The following PTPRR variants were observed in gnomAD, a reference collection of about 807,000 sequenced individuals.
The protein encoded by PTPRR is protein tyrosine phosphatase receptor type R.
In PTPRR, 38 loss-of-function variants were observed where a neutral mutation model predicts 77.2. The ratio of observed to expected loss-of-function variants is 0.49; its 90% CI spans 0.38 to 0.65. The LOEUF is 0.65. PTPRR is among the 30% of genes least tolerant of loss of function. The probability of loss-of-function intolerance (pLI) is 0.00; values close to 1 mark genes in which losing one functional copy is unlikely to be tolerated. For missense variants in PTPRR, 744 were observed against 799.2 expected (o/e 0.93, Z 0.83); for synonymous variants, 299 against 283.1 (o/e 1.06, Z -0.57).
chr12:70,700,280 G>T (rs1592684821), intron 7 of PTPRR, among the ~76,000 whole-genome samples: 3 of 152,138 alleles, frequency 2.0e-5, no homozygotes, highest in Admixed American at 2.0e-4. Flanking sequence ...TGCAAGAGGT[G>T]ATCAACAAAG....
At chr12:70,681,037 G>C (rs572440014) in intron 10 of PTPRR, among the ~76,000 whole-genome samples, 36 of 152,264 alleles carry the variant, frequency 2.4e-4, no homozygotes, top group Middle Eastern at 3.4e-3. Flanking sequence ...TTCATGGATG[G>C]GGCACTGGAT....
At chr12:70,664,732 A>C (rs1057506633) in intron 10 of PTPRR, 13 of 152,336 alleles carry the variant, frequency 8.5e-5, no homozygotes, top group African/African-American at 2.6e-4. Flanking sequence ...GTTACCAAAA[A>C]AGCAATTGGC....
chr12:70,895,643 C>G (rs1893415691), intron 1 of PTPRR, among the ~76,000 whole-genome samples: 1 of 151,540 alleles, frequency 6.6e-6, no homozygotes. Context: ...CATGATGATA[C>G]AGTTTCTTAG....
chr12:70,863,735 G>T (rs2137081649), intron 2 of PTPRR, among the ~76,000 whole-genome samples: 1 of 151,060 alleles, frequency 6.6e-6, no homozygotes, highest in Non-Finnish European at 1.5e-5. Context: ...TTTCATCACT[G>T]TTTTTGTGTT....
At chr12:70,851,822 C>T (rs557650476) in intron 2 of PTPRR, among the ~76,000 whole-genome samples, 4 of 152,030 alleles carry the variant, frequency 2.6e-5, no homozygotes, top group East Asian at 1.9e-4. Flanking sequence ...AAGAAGTACA[C>T]GCTGGAATTA....
At chr12:70,862,751 TAA>T (rs11306466) in intron 2 of PTPRR, among the ~76,000 whole-genome samples, 3 of 150,062 alleles carry the variant, frequency 2.0e-5, no homozygotes, top group East Asian at 3.9e-4. Flanking sequence ...AATAATAAAA[TAA>T]AAAAAAGGGA....
chr12:70,867,177 A>G lies in PTPRR; in HGVS notation c.357+25502T>C, dbSNP rs796611490. Among the ~76,000 whole-genome samples, 9 of 151,590 alleles carry G rather than the reference A, an allele frequency of 5.9e-5. No homozygotes were observed. In the South Asian group the frequency reaches 1.0e-3, roughly 18 times the overall value. ...CCACTCCTATTCAACATAGTGTTGGAAGTTCTGGCCAGGGCAATTAGGCAG... is the reference window on the plus strand; with the variant it reads ...CCACTCCTATTCAACATAGTGTTGGGAGTTCTGGCCAGGGCAATTAGGCAG... On this transcript the variant is annotated intron_variant, in intron 2 of 13. Coordinates refer to ENST00000283228, the MANE Select transcript of PTPRR (RefSeq NM_002849.4).
intron 13 of PTPRR, among the ~76,000 whole-genome samples, chr12:70,651,217 G>A (rs1886383056): frequency 1.3e-5 from 2 of 152,128 alleles, no homozygotes; most frequent in African/African-American, 4.8e-5. Flanking sequence ...CAAAACCCAA[G>A]TTCTGAATGT....
At chr12:70,657,879 T>G (rs1429621546) in intron 12 of PTPRR, among the ~76,000 whole-genome samples, 2 of 152,202 alleles carry the variant, frequency 1.3e-5, no homozygotes, top group African/African-American at 4.8e-5. Flanking sequence ...AATCACGTTT[T>G]CAACATCTCC....
At chr12:70,912,917 C>T (rs915982689) in intron 1 of PTPRR, among the ~76,000 whole-genome samples, 2 of 152,078 alleles carry the variant, frequency 1.3e-5, no homozygotes, top group Non-Finnish European at 2.9e-5. Context: ...AGTGTGTCAG[C>T]ATTTGTAAAT....
At position 70,688,930 on chromosome 12, in the gene PTPRR, C is replaced by T. The variant is rs116894004; in HGVS notation, c.1280-4147G>A. Among the ~76,000 whole-genome samples the T allele has an allele frequency of 9.6e-4, 146 of 152,016 alleles. 4 individuals carry two copies. The East Asian group carries it at 0.023, about 24-fold the overall frequency. ...CAGATATTATGCTAAATGAAATAAG[C>T]CAGGCACAGAGAGACATGATCTTCT... On this transcript the variant is annotated intron_variant, in intron 8 of 13. Transcript: ENST00000283228.
At chr12:70,680,889 C>G (rs894817342) in intron 10 of PTPRR, among the ~76,000 whole-genome samples, 2 of 152,118 alleles carry the variant, frequency 1.3e-5, no homozygotes, top group African/African-American at 2.4e-5. Context: ...AGGGGCTGGT[C>G]CACTGGTTTG....
At chr12:70,853,698 A>T (rs540441577) in intron 2 of PTPRR, among the ~76,000 whole-genome samples, 14 of 152,274 alleles carry the variant, frequency 9.2e-5, no homozygotes, top group African/African-American at 2.9e-4. Context: ...TCTGGTCACT[A>T]CTTCTTACTT....
chr12:70,652,540 G>A (rs768155379), intron 13 of PTPRR, among the ~76,000 whole-genome samples: 1 of 152,196 alleles, frequency 6.6e-6, no homozygotes, highest in Non-Finnish European at 1.5e-5. Context: ...AAAGGGTCTT[G>A]ATGAAGAAAT....
At chr12:70,751,316 C>G (rs1247276705) in intron 5 of PTPRR, among the ~76,000 whole-genome samples, 3 of 152,094 alleles carry the variant, frequency 2.0e-5, no homozygotes, top group African/African-American at 7.2e-5. Flanking sequence ...CACTTCTCTC[C>G]TTCCCCACCA....
chr12:70,713,578 T>TTTTTA (rs56158908), intron 6 of PTPRR, among the ~76,000 whole-genome samples: 1 of 151,670 alleles, frequency 6.6e-6, no homozygotes, highest in Non-Finnish European at 1.5e-5. Context: ...TTTTTTTTTT[T>TTTTTA]AATAATAGCC....
intron 6 of PTPRR, among the ~76,000 whole-genome samples, chr12:70,730,776 A>T (rs1173609496): frequency 6.6e-6 from 1 of 151,832 alleles, no homozygotes; most frequent in African/African-American, 2.4e-5. Context: ...GTGAGCTAGG[A>T]TCATGCCACG....
intron 2 of PTPRR, among the ~76,000 whole-genome samples, chr12:70,878,861 T>A (rs570069788): frequency 2.0e-5 from 3 of 152,102 alleles, no homozygotes; most frequent in African/African-American, 7.2e-5. Flanking sequence ...CAAATGTCCA[T>A]CAATCATAGA....
intron 2 of PTPRR, among the ~76,000 whole-genome samples, chr12:70,833,227 G>A (rs531161123): frequency 1.3e-5 from 2 of 152,220 alleles, no homozygotes; most frequent in East Asian, 3.9e-4. Context: ...AGCAGGACAT[G>A]GTGATGGATT....
Sources: allele counts gnomAD v4.1 joint callset (sites outside exome capture counted in the v4.1 genomes callset), GRCh38; gene constraint gnomAD v4.1.1; transcripts MANE v1.5; gene names NCBI Gene and HGNC (gene_info 2026-07-23, HGNC 2026-07-21).